The following TRIO variants were observed in gnomAD, a reference collection of about 807,000 sequenced individuals.
The protein encoded by TRIO is triple functional domain protein.
Under a neutral mutation model 351.9 loss-of-function variants are expected in TRIO, and 58 were observed. The observed-to-expected ratio is 0.16, with a 90% confidence interval of 0.13 to 0.21. The LOEUF is 0.21. Among genes scored for constraint, TRIO ranks in the 10% least tolerant of loss-of-function variants. The pLI is 1.00. For missense variants in TRIO, 3,201 were observed against 4,027.8 expected, an observed-to-expected ratio of 0.79 and a Z score of 5.56; for synonymous variants, 1,758 against 1,595.7, an observed-to-expected ratio of 1.10 and a Z score of -2.42.
chr5:14,495,162 G>A (rs1213199635), intron 49 of TRIO, among the ~76,000 whole-genome samples: 1 of 152,174 alleles, frequency 6.6e-6, no homozygotes, highest in Non-Finnish European at 1.5e-5. Flanking sequence ...TAACTCAGAT[G>A]TGGCAGAAAC....
chr5:14,407,404 G>C (rs1283039222), intron 33 of TRIO, among the ~76,000 whole-genome samples: 1 of 152,254 alleles, frequency 6.6e-6, no homozygotes, highest in African/African-American at 2.4e-5. Context: ...AGGAAGTTCT[G>C]TGAAGCAGAG....
chr5:14,250,267 G>A (rs897724), intron 1 of TRIO, among the ~76,000 whole-genome samples: 113,626 of 152,080 alleles, frequency 0.75, 43,057 homozygotes, highest in East Asian at 0.98. Flanking sequence ...CGATACCTCT[G>A]AGCCACCTCT....
At chr5:14,218,253 G>A (rs1203091568) in intron 1 of TRIO, among the ~76,000 whole-genome samples, 1 of 152,216 alleles carries the variant, frequency 6.6e-6, no homozygotes, top group Non-Finnish European at 1.5e-5. Context: ...AATTAGTGAA[G>A]TCGTCGGTTT....
At chr5:14,415,391 A>G (rs1005610417) in intron 33 of TRIO, among the ~76,000 whole-genome samples, 1 of 152,146 alleles carries the variant, frequency 6.6e-6, no homozygotes, top group Non-Finnish European at 1.5e-5. Context: ...CAAACCAGGT[A>G]TTGCCGCCGT....
At chr5:14,455,328 C>T (rs1431030356) in intron 34 of TRIO, among the ~76,000 whole-genome samples, 1 of 152,186 alleles carries the variant, frequency 6.6e-6, no homozygotes, top group African/African-American at 2.4e-5. Flanking sequence ...GGTGCGTTTA[C>T]AATCCCTGAG....
intron 5 of TRIO, among the ~76,000 whole-genome samples, chr5:14,292,278 G>A (rs1736982574): frequency 6.6e-6 from 1 of 152,190 alleles, no homozygotes; most frequent in Non-Finnish European, 1.5e-5. Flanking sequence ...GTAGCACCTT[G>A]TCTAAGAGAC....
intron 9 of TRIO, among the ~76,000 whole-genome samples, chr5:14,326,749 T>C (rs553448519): frequency 1.3e-5 from 2 of 152,358 alleles, no homozygotes; most frequent in South Asian, 4.1e-4. Context: ...TGTAATTTGC[T>C]TATCTTAGTA....
intron 34 of TRIO, among the ~76,000 whole-genome samples, chr5:14,441,539 G>C (rs937863038): frequency 1.3e-5 from 2 of 152,108 alleles, no homozygotes; most frequent in Non-Finnish European, 1.5e-5. Context: ...GATGGTTTAT[G>C]GGGGGGCCAC....
At chr5:14,325,409 G>A (rs975744325) in intron 9 of TRIO, among the ~76,000 whole-genome samples, 3 of 152,186 alleles carry the variant, frequency 2.0e-5, no homozygotes, top group Non-Finnish European at 2.9e-5. Flanking sequence ...AAGGGGAGCC[G>A]GAGCTGCGTG....
At chr5:14,200,688 A>G (rs1157477273) in intron 1 of TRIO, among the ~76,000 whole-genome samples, 1 of 152,198 alleles carries the variant, frequency 6.6e-6, no homozygotes, top group Non-Finnish European at 1.5e-5. Flanking sequence ...TAAGTGCAGT[A>G]AGGGAGGGAG....
chr5:14,397,595 G>C (rs1432632445), intron 29 of TRIO, among the ~76,000 whole-genome samples: 1 of 152,218 alleles, frequency 6.6e-6, no homozygotes, highest in Non-Finnish European at 1.5e-5. Flanking sequence ...ACATGGTAAA[G>C]AGAAAATTAG....
At chr5:14,423,343 C>T (rs1023773559) in intron 34 of TRIO, among the ~76,000 whole-genome samples, 1 of 152,318 alleles carries the variant, frequency 6.6e-6, no homozygotes, top group South Asian at 2.1e-4. Context: ...TACGTGGGCT[C>T]ACTGTTGAAA....
rs77834736 is a variant in TRIO at position 14,421,227 on chromosome 5, A to ATTTATTTTATTTTATTTTAT, written c.5203+1245_5203+1264dup. Among the ~76,000 whole-genome samples, 765 of 118,054 alleles carry ATTTATTTTATTTTATTTTAT rather than the reference A, an allele frequency of 6.5e-3. 4 individuals carry two copies. Among genetic ancestry groups the ATTTATTTTATTTTATTTTAT allele is most frequent in the East Asian group, 0.022 (86 of 3,962 alleles). 77.4% of individuals were successfully genotyped at this position (118,054 alleles called of 152,430 possible). ...TTTTCCCTTATTTAATTATTTATTT[A>ATTTATTTTATTTTATTTTAT]TTTATTTTATTTTATTTTATTTTAT... On this transcript the variant is annotated intron_variant, in intron 34 of 56. Transcript: ENST00000344204.
At chr5:14,376,870 C>T (rs948945288) in intron 19 of TRIO, among the ~76,000 whole-genome samples, 2 of 152,196 alleles carry the variant, frequency 1.3e-5, no homozygotes, top group Non-Finnish European at 2.9e-5. Flanking sequence ...TACCTGTTCC[C>T]TTACTCTTTC....
intron 1 of TRIO, among the ~76,000 whole-genome samples, chr5:14,230,040 G>A (rs1442638148): frequency 2.0e-5 from 3 of 152,174 alleles, no homozygotes; most frequent in Non-Finnish European, 4.4e-5. Flanking sequence ...AAGTTGTAAC[G>A]TTTGCCAGCG....
At chr5:14,472,569 T>C (rs1190840842) in intron 38 of TRIO, 23 bp from the exon 39 acceptor site, 2 of 1,613,472 alleles carry the variant, frequency 1.2e-6, no homozygotes, top group Non-Finnish European at 1.7e-6. Context: ...GTTTGCATGA[T>C]AAACAATATT....
At chr5:14,242,497 A>G (rs1283769422) in intron 1 of TRIO, among the ~76,000 whole-genome samples, 2 of 152,240 alleles carry the variant, frequency 1.3e-5, no homozygotes, top group Admixed American at 6.5e-5. Flanking sequence ...AGTGTTGCCT[A>G]CCAGGCATAA....
intron 31 of TRIO, among the ~76,000 whole-genome samples, chr5:14,404,465 TTTTC>T (rs1748532567): frequency 6.6e-6 from 1 of 152,180 alleles, no homozygotes; most frequent in African/African-American, 2.4e-5. Flanking sequence ...CATATGAGAA[TTTTC>T]TTTATTTCTG....
intron 9 of TRIO, among the ~76,000 whole-genome samples, chr5:14,323,968 G>A (rs894388368): frequency 5.3e-5 from 8 of 152,124 alleles, no homozygotes; most frequent in African/African-American, 1.4e-4. Flanking sequence ...TGGTTTAACC[G>A]ATCTGAAATG....
Sources: gnomAD v4.1 joint callset for allele counts (sites outside exome capture counted in the v4.1 genomes callset) on GRCh38, gnomAD v4.1.1 for gene constraint, MANE v1.5 for transcripts, NCBI Gene and HGNC (gene_info 2026-07-23, HGNC 2026-07-21) for gene names.